Variants in ADAM23 observed in about 807,000 individuals in gnomAD.
The protein encoded by ADAM23 is disintegrin and metalloproteinase domain-containing protein 23.
Under a neutral mutation model 120.1 loss-of-function variants are expected in ADAM23, and 33 were observed. The observed-to-expected ratio is 0.27, with a 90% CI of 0.21 to 0.37. ADAM23 has a LOEUF of 0.37. ADAM23 is among the 10% of genes least tolerant of loss of function. The pLI is 1.00. For synonymous variants in ADAM23, 367 were observed against 375.2 expected, an observed-to-expected ratio of 0.98 and a Z score of 0.25; for missense variants, 862 against 1,058.2, an observed-to-expected ratio of 0.81 and a Z score of 2.57.
At chr2:206,492,234 T>C (rs1329807894) in intron 3 of ADAM23, among the ~76,000 whole-genome samples, 1 of 152,150 alleles carries the variant, frequency 6.6e-6, no homozygotes, top group Non-Finnish European at 1.5e-5. Flanking sequence ...TTTATGGAGC[T>C]AAATGTCTCA....
intron 3 of ADAM23, among the ~76,000 whole-genome samples, chr2:206,509,998 T>C (rs1696589289): frequency 6.6e-6 from 1 of 152,204 alleles, no homozygotes; most frequent in Admixed American, 6.5e-5. Flanking sequence ...ATCAACATAG[T>C]TTTGTAGATT....
At chr2:206,483,377 G>A (rs1049662955) in intron 3 of ADAM23, among the ~76,000 whole-genome samples, 55 of 152,290 alleles carry the variant, frequency 3.6e-4, no homozygotes, top group African/African-American at 1.2e-3. Flanking sequence ...GGACATACAT[G>A]TGGCCATGTC....
intron 24 of ADAM23, among the ~76,000 whole-genome samples, chr2:206,600,012 T>C (rs192990739): frequency 2.2e-4 from 34 of 152,292 alleles, no homozygotes; most frequent in East Asian, 7.7e-4. Flanking sequence ...CCATCCTGGC[T>C]AACACAGTGA....
At chr2:206,481,105 A>G (rs1235544939) in intron 2 of ADAM23, 127 bp from the exon 3 acceptor site, 9 of 599,206 alleles carry the variant, frequency 1.5e-5, no homozygotes, top group Non-Finnish European at 2.5e-5. Context: ...ATGAATTGCT[A>G]TATGATGATA....
At chr2:206,551,577 CT>C (rs1184887305) in intron 9 of ADAM23, among the ~76,000 whole-genome samples, 1 of 152,036 alleles carries the variant, frequency 6.6e-6, no homozygotes, top group East Asian at 1.9e-4. Context: ...ATCTTTAAGT[CT>C]TTGTTTTACT....
At chr2:206,524,710 T>A (rs1484638251) in intron 3 of ADAM23, among the ~76,000 whole-genome samples, 1 of 152,162 alleles carries the variant, frequency 6.6e-6, no homozygotes, top group Non-Finnish European at 1.5e-5. Flanking sequence ...ACTTACTCAC[T>A]ACCATGAGAA....
At chr2:206,559,451 C>G (rs966653651) in intron 10 of ADAM23, among the ~76,000 whole-genome samples, 1 of 152,138 alleles carries the variant, frequency 6.6e-6, no homozygotes, top group African/African-American at 2.4e-5. Context: ...CCTTGAGTCT[C>G]TCTCTCTCCC....
intron 3 of ADAM23, among the ~76,000 whole-genome samples, chr2:206,512,569 AC>A (rs1230720053): frequency 1.3e-5 from 2 of 152,228 alleles, no homozygotes; most frequent in African/African-American, 4.8e-5. Flanking sequence ...TCCTAGAATA[AC>A]CCTTTTTAGA....
At chr2:206,544,506 A>G (rs1157086824) in intron 6 of ADAM23, among the ~76,000 whole-genome samples, 1 of 152,226 alleles carries the variant, frequency 6.6e-6, no homozygotes, top group Non-Finnish European at 1.5e-5. Flanking sequence ...CTTACAGTCT[A>G]CAGAGGCAGA....
At chr2:206,452,210 T>C (rs1466709600) in intron 2 of ADAM23, among the ~76,000 whole-genome samples, 2 of 152,220 alleles carry the variant, frequency 1.3e-5, no homozygotes, top group Non-Finnish European at 2.9e-5. Context: ...TCTGCATTTC[T>C]GGTCCCTTTG....
At chr2:206,570,917 C>G (rs1282207302) in intron 16 of ADAM23, 106 bp downstream of exon 16, 4 of 911,542 alleles carry the variant, frequency 4.4e-6, no homozygotes, top group Non-Finnish European at 7.0e-6. Flanking sequence ...TACTGCCTTT[C>G]TTTCTCATCT....
At chr2:206,578,905 G>GT (rs1334699671) in intron 18 of ADAM23, among the ~76,000 whole-genome samples, 1 of 151,998 alleles carries the variant, frequency 6.6e-6, no homozygotes, top group Admixed American at 6.6e-5. Context: ...AGTGTCTACT[G>GT]TTTTTTTATT....
At chr2:206,547,347 C>T in intron 6 of ADAM23, 82 bp from the exon 7 acceptor site, 3 of 1,097,578 alleles carry the variant, frequency 2.7e-6, no homozygotes. Flanking sequence ...TTAGGAAGGA[C>T]ATTAGAGAAA....
intron 3 of ADAM23, among the ~76,000 whole-genome samples, chr2:206,528,985 T>C (rs1200050451): frequency 1.3e-5 from 2 of 152,166 alleles, no homozygotes; most frequent in Non-Finnish European, 2.9e-5. Flanking sequence ...TTCCTAGTGA[T>C]AGAGCCCAAA....
At chr2:206,543,414 T>G (rs1210049691) in intron 6 of ADAM23, 98 bp downstream of exon 6, 1 of 1,017,306 alleles carries the variant, frequency 9.8e-7, no homozygotes, top group East Asian at 2.4e-5. Context: ...CAAAGTGCCT[T>G]TGTACATGTT....
chr2:206,463,207 G>T (rs536739907), intron 2 of ADAM23, among the ~76,000 whole-genome samples: 1 of 152,310 alleles, frequency 6.6e-6, no homozygotes, highest in Non-Finnish European at 1.5e-5. Flanking sequence ...TGACTAAATT[G>T]AGGCTACTGA....
chr2:206,493,922 T>C (rs1417697176), intron 3 of ADAM23, among the ~76,000 whole-genome samples: 1 of 152,224 alleles, frequency 6.6e-6, no homozygotes, highest in Non-Finnish European at 1.5e-5. Context: ...ATTATATCTC[T>C]TGTAAATCTC....
At chr2:206,555,303 C>T (rs1697620820) in intron 9 of ADAM23, among the ~76,000 whole-genome samples, 1 of 152,082 alleles carries the variant, frequency 6.6e-6, no homozygotes, top group East Asian at 1.9e-4. Flanking sequence ...CACCACAATC[C>T]CCCATCCATT....
intron 18 of ADAM23, among the ~76,000 whole-genome samples, 185 bp downstream of exon 18, chr2:206,573,380 A>G (rs182516516): frequency 6.6e-6 from 1 of 152,302 alleles, no homozygotes; most frequent in East Asian, 1.9e-4. Context: ...TGGATGTTTC[A>G]TATACACTTT....
Sources: allele counts gnomAD v4.1 joint callset (sites outside exome capture counted in the v4.1 genomes callset), GRCh38; gene constraint gnomAD v4.1.1; transcripts MANE v1.5; gene names NCBI Gene and HGNC (gene_info 2026-07-23, HGNC 2026-07-21).